The following DPYSL3 variants were observed in gnomAD, a reference collection of about 807,000 sequenced individuals.
The protein encoded by DPYSL3 is dihydropyrimidinase-related protein 3.
DPYSL3 carries 16 observed loss-of-function variants against 66.1 expected under a neutral mutation model. The observed-to-expected ratio is 0.24, with a 90% confidence interval of 0.16 to 0.37. The LOEUF is 0.37. Ranked by LOEUF, DPYSL3 falls within the 10% of genes least tolerant of loss-of-function variation. DPYSL3 has a pLI of 1.00. For missense variants in DPYSL3, 738 were observed against 916.2 expected, an observed-to-expected ratio of 0.81 and a Z score of 2.51; for synonymous variants, 338 against 345.1, an observed-to-expected ratio of 0.98 and a Z score of 0.23.
intron 7 of DPYSL3, among the ~76,000 whole-genome samples, chr5:147,406,902 GAACT>G (rs1202380444): frequency 6.6e-6 from 1 of 152,174 alleles, no homozygotes; most frequent in African/African-American, 2.4e-5. Flanking sequence ...ACAGACCTAA[GAACT>G]TGGCTGGCTG....
At position 147,445,774 on chromosome 5, in the gene DPYSL3, C is replaced by T. The variant is rs188056574; in HGVS notation, c.382-20811G>A. Among the ~76,000 whole-genome samples the T allele has an allele frequency of 4.0e-5, 6 of 151,652 alleles. No individual in the cohort carries two copies. In the East Asian group the frequency reaches 9.8e-4, roughly 25 times the overall value. On this transcript the variant is annotated intron_variant, in intron 1 of 13. Transcript: ENST00000343218. ...GCCAGTCTAGATTTTGGGCAATTAT[C>T]GCCTTCATGCCCTTATCAATAGTAG...
intron 1 of DPYSL3, among the ~76,000 whole-genome samples, chr5:147,487,301 G>T (rs1173345906): frequency 6.6e-6 from 1 of 151,866 alleles, no homozygotes; most frequent in Non-Finnish European, 1.5e-5. Context: ...ATCTTGCATT[G>T]TTCTTCCTTC....
chr5:147,400,302 G>T (rs1034563278), intron 10 of DPYSL3, among the ~76,000 whole-genome samples: 2 of 152,132 alleles, frequency 1.3e-5, no homozygotes, highest in Admixed American at 1.3e-4. Flanking sequence ...GATGACTTTG[G>T]TCTAGACACA....
intron 7 of DPYSL3, among the ~76,000 whole-genome samples, chr5:147,406,570 A>G (rs187492307): frequency 1.3e-3 from 193 of 152,314 alleles, no homozygotes; most frequent in Non-Finnish European, 2.4e-3. Context: ...CAGTTAGCTC[A>G]TTCCTAATGG....
chr5:147,494,806 G>C (rs1753474425), intron 1 of DPYSL3, among the ~76,000 whole-genome samples: 1 of 150,856 alleles, frequency 6.6e-6, no homozygotes, highest in African/African-American at 2.4e-5. Flanking sequence ...ATGAACCCGG[G>C]AGGCAGAGCT....
chr5:147,404,468 G>T (rs966744889), intron 8 of DPYSL3, among the ~76,000 whole-genome samples: 1 of 152,188 alleles, frequency 6.6e-6, no homozygotes, highest in Non-Finnish European at 1.5e-5. Context: ...GGCCAGTTTG[G>T]TAGATGAATC....
chr5:147,415,991 A>G, intron 3 of DPYSL3, 118 bp from the exon 4 acceptor site: 1 of 1,217,708 alleles, frequency 8.2e-7, no homozygotes, highest in Non-Finnish European at 1.1e-6. Flanking sequence ...TGAGCATGGA[A>G]TTAACTTTTG....
In DPYSL3 at chr5:147,509,905, G is replaced by A; in HGVS notation, c.-47C>T. 1 of 1,469,042 alleles carries A rather than the reference G, an allele frequency of 6.8e-7. No homozygotes were observed. The highest frequency in any genetic ancestry group is 1.4e-5 in the South Asian group (1 of 73,350). 91.0% of individuals were successfully genotyped at this position (1,469,042 alleles called of 1,614,324 possible). ...CGCGGGTTTTTCTTCCCCAGAGGCG[G>A]AAAGGGCAGCCGCCGGCAGCGTGCG... On this transcript the variant is annotated 5_prime_UTR_variant, in exon 1 of 14. Transcript: ENST00000343218. This position sits in a 1 kb window ranked among gnomAD's most constrained non-coding sequence, Gnocchi z 5.3.
chr5:147,428,741 C>T (rs1752247433), intron 1 of DPYSL3, among the ~76,000 whole-genome samples: 1 of 131,608 alleles, frequency 7.6e-6, no homozygotes, highest in Non-Finnish European at 1.5e-5. Flanking sequence ...TCAAACACTA[C>T]ATACAATGAG....
In DPYSL3 at chr5:147,397,842, C is replaced by T; in HGVS notation, c.1627G>A (p.Ala543Thr). ...ATCCCTTCAAAGATGTTGTACTCTG[C>T]CGCCTAGAGGCAGGGGTGAGAAGCA... ...IVSAKNHQSA[A>T]EYNIFEGMEL... The change falls in exon 12 of 14, where the codon GCA (alanine) becomes ACA (threonine). Residue 543 changes from alanine to threonine, a missense_variant. Physicochemically the swap from Ala to Thr is moderately conservative, Grantham distance 58. Transcript: ENST00000343218. The T allele has an allele frequency of 6.2e-7, 1 of 1,601,382 alleles. No homozygotes were observed. Among genetic ancestry groups the T allele is most frequent in the Non-Finnish European group, 8.5e-7 (1 of 1,171,532 alleles).
In DPYSL3 at chr5:147,509,993, T is replaced by C. The variant is rs962077969; in HGVS notation, c.-135A>G. The C allele has an allele frequency of 3.7e-5, 50 of 1,343,850 alleles. No homozygotes were observed. The highest frequency in any genetic ancestry group is 4.7e-5 in the Non-Finnish European group (48 of 1,020,504). 83.2% of individuals were successfully genotyped at this position (1,343,850 alleles called of 1,614,324 possible). A position where few individuals can be genotyped will look rare whatever the true frequency, so the allele number is the denominator to read the frequency against. On this transcript the variant is annotated 5_prime_UTR_variant, in exon 1 of 14. Transcript: ENST00000343218. The surrounding 1 kb of genome is among the most constrained non-coding windows in gnomAD (Gnocchi z 5.3). ...GCCTTCGCGCCAGAGGCGGCAGTGC[T>C]GCTCCGATTCCTGCTTGTCCCTAGC...
At chr5:147,396,152 G>C (rs1177940833) in intron 12 of DPYSL3, among the ~76,000 whole-genome samples, 2 of 152,096 alleles carry the variant, frequency 1.3e-5, no homozygotes, top group Non-Finnish European at 2.9e-5. Flanking sequence ...CATGACACGA[G>C]GTCGCAGGTC....
chr5:147,481,944 G>T (rs1401640750), intron 1 of DPYSL3, among the ~76,000 whole-genome samples: 1 of 152,214 alleles, frequency 6.6e-6, no homozygotes, highest in African/African-American at 2.4e-5. Context: ...CCAGATGCCT[G>T]CACATACAGT....
chr5:147,423,872 C>T (rs1752136916), intron 2 of DPYSL3, among the ~76,000 whole-genome samples: 1 of 152,100 alleles, frequency 6.6e-6, no homozygotes, highest in Non-Finnish European at 1.5e-5. Flanking sequence ...AGGCATACAC[C>T]AGCACACCCG....
intron 1 of DPYSL3, among the ~76,000 whole-genome samples, chr5:147,502,951 T>G (rs73794775): frequency 0.14 from 21,532 of 152,128 alleles, 1,545 homozygotes; most frequent in Middle Eastern, 0.22. Flanking sequence ...TCCCTTCTTA[T>G]TCACAAGCTA....
intron 1 of DPYSL3, among the ~76,000 whole-genome samples, chr5:147,468,499 T>C (rs1753041112): frequency 6.6e-6 from 1 of 152,174 alleles, no homozygotes; most frequent in African/African-American, 2.4e-5. Flanking sequence ...TCTCTTTATG[T>C]CCCCTGACTA....
At chr5:147,501,478 ATTTTTTTTTT>A (rs749216433) in intron 1 of DPYSL3, among the ~76,000 whole-genome samples, 10 of 91,082 alleles carry the variant, frequency 1.1e-4, no homozygotes, top group African/African-American at 3.1e-4. Context: ...GGTGATAATG[ATTTTTTTTTT>A]TTTTTTTTTT....
Position 147,509,690 on chromosome 5 carries a change from C to A in DPYSL3, c.169G>T (p.Val57Leu). The change falls in exon 1 of 14, where the codon GTG (valine) becomes TTG (leucine). Residue 57 changes from valine (V) to leucine (L), a missense_variant. Coordinates refer to ENST00000343218, the MANE Select transcript of DPYSL3 (RefSeq NM_001197294.2). This position sits in a 1 kb window ranked among gnomAD's most constrained non-coding sequence, Gnocchi z 5.3. ...GGAGTCTTCGCGCCCCGCTGCCCCA[C>A]GCTGAGGGCATCGAAATCCAGCGTC... ...SKTLDFDALS[V>L]GQRGAKTPRS... is the part of the protein sequence containing the mutation. The A allele has an allele frequency of 6.5e-7, 1 of 1,535,964 alleles. No individual in the cohort carries two copies. Among genetic ancestry groups the A allele is most frequent in the East Asian group, 2.4e-5 (1 of 40,890 alleles).
At chr5:147,426,666 T>C (rs1752204092) in intron 1 of DPYSL3, among the ~76,000 whole-genome samples, 1 of 152,112 alleles carries the variant, frequency 6.6e-6, no homozygotes. Flanking sequence ...AACGTCAGCT[T>C]TCAAAGAGGA....
Sources: allele counts gnomAD v4.1 joint callset (sites outside exome capture counted in the v4.1 genomes callset), GRCh38; gene constraint gnomAD v4.1.1; non-coding constraint Gnocchi (gnomAD v3.1); transcripts MANE v1.5; gene names NCBI Gene and HGNC (gene_info 2026-07-23, HGNC 2026-07-21).